DIAPH2: variants seen among roughly 807,000 people sequenced by gnomAD.
DIAPH2 encodes protein diaphanous homolog 2.
In DIAPH2, 35 loss-of-function variants were observed where a neutral mutation model predicts 92.7. That is an observed-to-expected ratio of 0.38 (90% CI 0.29 to 0.50). The LOEUF is 0.50. Among genes scored for constraint, DIAPH2 ranks in the 20% least tolerant of loss-of-function variants. The pLI, the probability that DIAPH2 is intolerant of heterozygous loss-of-function variation, is 0.94. For missense variants in DIAPH2, 701 were observed against 819.5 expected (o/e 0.86, Z 1.77); for synonymous variants, 301 against 280.4 (o/e 1.07, Z -0.73).
At chrX:97,564,736 G>A (rs932466238) in intron 26 of DIAPH2, among the ~76,000 whole-genome samples, 3 of 111,604 alleles carry the variant, frequency 2.7e-5, no homozygotes, top group Non-Finnish European at 5.6e-5. Context: ...AGAAACAAAT[G>A]GGGAAAGGGA....
chrX:96,971,413 G>C (rs1447633602), intron 17 of DIAPH2, among the ~76,000 whole-genome samples: 1 of 111,034 alleles, frequency 9.0e-6, no homozygotes, highest in Non-Finnish European at 1.9e-5. Flanking sequence ...TTAACTTGAT[G>C]CTCTGTGTGT....
intron 23 of DIAPH2, among the ~76,000 whole-genome samples, chrX:97,318,869 C>T (rs193161536): frequency 6.9e-4 from 77 of 111,025 alleles, no homozygotes; most frequent in African/African-American, 2.4e-3. Flanking sequence ...AAAACAGTAG[C>T]GACATTAAAC....
intron 24 of DIAPH2, among the ~76,000 whole-genome samples, chrX:97,361,989 C>T (rs1602535525): frequency 8.9e-6 from 1 of 111,845 alleles, no homozygotes; most frequent in East Asian, 2.8e-4. Flanking sequence ...GCCTGTAATC[C>T]CAGCACTTTG....
chrX:96,892,345 T>C (rs1174804464), intron 5 of DIAPH2, among the ~76,000 whole-genome samples: 1 of 112,225 alleles, frequency 8.9e-6, no homozygotes, highest in Non-Finnish European at 1.9e-5. Flanking sequence ...TTTTTAAATA[T>C]TGGTATTTGG....
At chrX:96,691,808 T>TAGC (rs770743599) in intron 1 of DIAPH2, among the ~76,000 whole-genome samples, 1 of 112,019 alleles carries the variant, frequency 8.9e-6, no homozygotes, top group African/African-American at 3.2e-5. Flanking sequence ...AGCTTCTAGG[T>TAGC]AGCTATTAAG....
intron 26 of DIAPH2, among the ~76,000 whole-genome samples, chrX:97,435,153 G>A (rs2070169760): frequency 9.0e-6 from 1 of 111,703 alleles, no homozygotes; most frequent in African/African-American, 3.3e-5. Flanking sequence ...TGCTATTTGG[G>A]AGCTTTCTAA....
At position 96,934,761 on chromosome X, in the gene DIAPH2, A is replaced by AT. The variant is rs778902033; in HGVS notation, c.1090-2465dup. On this transcript the variant is annotated intron_variant, in intron 10 of 26. Coordinates refer to ENST00000324765, the MANE Select transcript of DIAPH2 (RefSeq NM_006729.5). Reference sequence around the variant, plus strand: ...ACTCTACAGTGAATTTTAAAATAGGATTTTTTTCTGTACTTAATTTACATT... The same window carrying AT: ...ACTCTACAGTGAATTTTAAAATAGGATTTTTTTTCTGTACTTAATTTACATT... Among the ~76,000 whole-genome samples the AT allele has an allele frequency of 1.1e-4, 12 of 111,544 alleles. No homozygotes were observed. The South Asian group carries it at 3.7e-3, about 34-fold the overall frequency.
chrX:97,580,077 G>A (rs1431323473), intron 26 of DIAPH2, among the ~76,000 whole-genome samples: 50 of 111,561 alleles, frequency 4.5e-4, no homozygotes, highest in African/African-American at 1.4e-3. Flanking sequence ...AGCTGAGACA[G>A]TGGGGTTTTC....
intron 4 of DIAPH2, among the ~76,000 whole-genome samples, chrX:96,825,055 C>T (rs1256503088): frequency 1.8e-5 from 2 of 108,225 alleles, no homozygotes; most frequent in African/African-American, 6.7e-5. Flanking sequence ...AAGTGATTCT[C>T]CTGCCTCAGC....
At chrX:97,595,299 G>A (rs988127839) in intron 26 of DIAPH2, among the ~76,000 whole-genome samples, 1 of 112,268 alleles carries the variant, frequency 8.9e-6, no homozygotes, top group Non-Finnish European at 1.9e-5. Context: ...ACTATAATGG[G>A]TTTAGTCCAT....
chrX:97,076,525 T>C (rs768582697), intron 19 of DIAPH2, among the ~76,000 whole-genome samples: 1 of 111,190 alleles, frequency 9.0e-6, no homozygotes, highest in South Asian at 3.9e-4. Flanking sequence ...AGCGAGACTC[T>C]GTCTCAAAAA....
intron 23 of DIAPH2, among the ~76,000 whole-genome samples, chrX:97,288,770 C>CT (rs1248921829): frequency 9.2e-6 from 1 of 108,875 alleles, no homozygotes; most frequent in Non-Finnish European, 1.9e-5. Flanking sequence ...CCGATTCACT[C>CT]TAAGAGCACT....
chrX:97,452,034 T>C (rs758617002), intron 26 of DIAPH2, among the ~76,000 whole-genome samples: 77 of 111,960 alleles, frequency 6.9e-4, no homozygotes, highest in Middle Eastern at 4.6e-3. Context: ...GTTCAGTTGT[T>C]TTTTTATCTC....
At chrX:97,074,461 T>C (rs1225928462) in intron 18 of DIAPH2, among the ~76,000 whole-genome samples, 1 of 112,536 alleles carries the variant, frequency 8.9e-6, no homozygotes, top group African/African-American at 3.2e-5. Context: ...AGAACACATC[T>C]GTGTTCTTTA....
chrX:96,939,562 A>ATGTGTGTGTGTGTGTG (rs1569431126), intron 12 of DIAPH2, among the ~76,000 whole-genome samples, 180 bp downstream of exon 12: 1 of 74,879 alleles, frequency 1.3e-5, no homozygotes, highest in African/African-American at 4.8e-5. Flanking sequence ...ATGTATATAT[A>ATGTGTGTGTGTGTGTG]TATATGTGTG....
At chrX:97,548,854 G>A (rs772930280) in intron 26 of DIAPH2, among the ~76,000 whole-genome samples, 6 of 111,834 alleles carry the variant, frequency 5.4e-5, no homozygotes, top group South Asian at 3.7e-4. Flanking sequence ...AACTAGAGAC[G>A]TGTCCTAACA....
At chrX:97,138,357 C>T (rs1014817045) in intron 21 of DIAPH2, among the ~76,000 whole-genome samples, 5 of 96,529 alleles carry the variant, frequency 5.2e-5, no homozygotes, top group African/African-American at 1.1e-4. Flanking sequence ...CATAATATAA[C>T]GTTTGTGTGT....
At chrX:97,575,660 G>C (rs895044548) in intron 26 of DIAPH2, among the ~76,000 whole-genome samples, 1 of 111,891 alleles carries the variant, frequency 8.9e-6, no homozygotes, top group African/African-American at 3.2e-5. Flanking sequence ...TGGATCTGCA[G>C]TGTGAGGTAG....
At position 96,718,261 on chromosome X, in the gene DIAPH2, G is replaced by A. The variant is rs2063964289; in HGVS notation, c.133-17497G>A. ...CATGTCCTTTAGTTCCATCTGTGCT[G>A]TTATAAATGACAAGATCTTGTTCTT... On this transcript the variant is annotated intron_variant, in intron 1 of 26. Transcript: ENST00000324765. 5.6e-5 allele frequency among the ~76,000 whole-genome samples: 5 copies of A among 88,862 alleles called. No homozygotes were observed. In the South Asian group the frequency reaches 3.1e-3, roughly 56 times the overall value. 77.2% of individuals were successfully genotyped at this position (88,862 alleles called of 115,157 possible).
Sources: allele counts gnomAD v4.1 joint callset (sites outside exome capture counted in the v4.1 genomes callset), GRCh38; gene constraint gnomAD v4.1.1; transcripts MANE v1.5; gene names NCBI Gene and HGNC (gene_info 2026-07-23, HGNC 2026-07-21).